Variants in DOCK5 observed in about 807,000 individuals in gnomAD.
DOCK5 encodes the protein dedicator of cytokinesis 5, also known as dedicator of cytokinesis protein 5.
DOCK5 carries 142 observed loss-of-function variants against 251.8 expected under a neutral mutation model. The ratio of observed to expected loss-of-function variants is 0.56; its 90% CI spans 0.49 to 0.65. The LOEUF is 0.65. DOCK5 is among the 30% of genes least tolerant of loss of function. DOCK5 has a pLI of 0.00. For missense variants in DOCK5, 2,111 were observed against 2,312.3 expected (o/e 0.91, Z 1.79); for synonymous variants, 842 against 835.5 (o/e 1.01, Z -0.13).
At chr8:25,338,971 C>G (rs1009045341) in intron 22 of DOCK5, among the ~76,000 whole-genome samples, 1 of 152,136 alleles carries the variant, frequency 6.6e-6, no homozygotes, top group Non-Finnish European at 1.5e-5. Context: ...GACAGAGGAC[C>G]CATGAAATTG....
chr8:25,381,708 A>G (rs940267201), intron 39 of DOCK5, among the ~76,000 whole-genome samples: 4 of 152,168 alleles, frequency 2.6e-5, no homozygotes, highest in Non-Finnish European at 5.9e-5. Flanking sequence ...CTAAGAAAAT[A>G]GTATTTTGAC....
chr8:25,336,441 T>G, intron 22 of DOCK5, 68 bp downstream of exon 22: 1 of 1,572,258 alleles, frequency 6.4e-7, no homozygotes, highest in Non-Finnish European at 8.7e-7. Flanking sequence ...TCCCTCACTC[T>G]GCACAGTGGT....
At chr8:25,200,398 G>A (rs1030947824) in intron 1 of DOCK5, among the ~76,000 whole-genome samples, 10 of 152,178 alleles carry the variant, frequency 6.6e-5, no homozygotes, top group African/African-American at 1.4e-4. Flanking sequence ...GTAATTTATA[G>A]CACATGCATA....
intron 2 of DOCK5, among the ~76,000 whole-genome samples, chr8:25,265,726 G>A (rs1047667809): frequency 6.6e-6 from 1 of 151,840 alleles, no homozygotes; most frequent in Non-Finnish European, 1.5e-5. Flanking sequence ...TGCATGTAGC[G>A]AGGAGAAGAA....
chr8:25,367,243 G>A (rs1800794260), intron 31 of DOCK5, among the ~76,000 whole-genome samples: 1 of 152,126 alleles, frequency 6.6e-6, no homozygotes, highest in South Asian at 2.1e-4. Flanking sequence ...CCATCCCCAA[G>A]AACAGCTGCG....
intron 1 of DOCK5, among the ~76,000 whole-genome samples, chr8:25,202,645 G>T (rs2117463725): frequency 6.6e-6 from 1 of 152,258 alleles, no homozygotes; most frequent in East Asian, 1.9e-4. Context: ...CTCAAGGCAT[G>T]CTTGAAACCA....
At chr8:25,198,571 CA>C (rs71214556) in intron 1 of DOCK5, among the ~76,000 whole-genome samples, 89,235 of 147,134 alleles carry the variant, frequency 0.61, 29,841 homozygotes, top group Non-Finnish European at 0.76. Flanking sequence ...GACTCCATCT[CA>C]AAAAAAAAAA....
intron 48 of DOCK5, among the ~76,000 whole-genome samples, chr8:25,405,514 A>C (rs939144578): frequency 1.3e-5 from 2 of 151,788 alleles, no homozygotes; most frequent in African/African-American, 2.4e-5. Flanking sequence ...TATTTCTTAG[A>C]TTTACCTGTC....
chr8:25,268,297 A>C (rs1279390960), intron 2 of DOCK5, among the ~76,000 whole-genome samples: 5 of 152,062 alleles, frequency 3.3e-5, no homozygotes, highest in Non-Finnish European at 7.4e-5. Context: ...TTATTATTTC[A>C]TTATTTGGAT....
intron 2 of DOCK5, among the ~76,000 whole-genome samples, chr8:25,257,305 A>T (rs1803445627): frequency 6.6e-6 from 1 of 152,060 alleles, no homozygotes; most frequent in Non-Finnish European, 1.5e-5. Context: ...CAGTTCTTAC[A>T]ATCCTGGGAG....
chr8:25,380,487 T>C, intron 39 of DOCK5, 93 bp downstream of exon 39: 1 of 1,092,998 alleles, frequency 9.1e-7, no homozygotes, highest in Non-Finnish European at 1.3e-6. Context: ...TCAGGATGAA[T>C]GGTGTTTTTT....
intron 18 of DOCK5, among the ~76,000 whole-genome samples, chr8:25,331,774 A>AT (rs1805685248): frequency 6.8e-6 from 1 of 146,752 alleles, no homozygotes; most frequent in African/African-American, 2.5e-5. Context: ...GTTGAAATAA[A>AT]TTAATGCATA....
At chr8:25,393,458 A>G (rs1801295426) in intron 44 of DOCK5, among the ~76,000 whole-genome samples, 4 of 152,132 alleles carry the variant, frequency 2.6e-5, no homozygotes, top group Admixed American at 2.0e-4. Flanking sequence ...AAGTCCTTCC[A>G]TGGCTCCAAG....
At chr8:25,260,241 G>A (rs1803539607) in intron 2 of DOCK5, among the ~76,000 whole-genome samples, 2 of 152,112 alleles carry the variant, frequency 1.3e-5, no homozygotes, top group Non-Finnish European at 2.9e-5. Context: ...AGGGGATGGA[G>A]CCTTTGCCCT....
chr8:25,187,317 ATG>A (rs562569023), intron 1 of DOCK5, among the ~76,000 whole-genome samples: 1,651 of 145,850 alleles, frequency 0.011, 21 homozygotes, highest in African/African-American at 0.026. Context: ...ATATGCGTAT[ATG>A]TGTGTGTGTG....
chr8:25,214,859 A>G (rs1802199227), intron 1 of DOCK5, among the ~76,000 whole-genome samples: 2 of 152,184 alleles, frequency 1.3e-5, no homozygotes, highest in Admixed American at 1.3e-4. Flanking sequence ...TACAGCACAG[A>G]GGACCAGATG....
chr8:25,376,056 G>C, intron 37 of DOCK5: 1 of 962,672 alleles, frequency 1.0e-6, no homozygotes, highest in East Asian at 1.2e-4. Flanking sequence ...CTGAGATGGT[G>C]CCACCATACT....
chr8:25,330,920 A>G (rs1805666645), intron 18 of DOCK5, among the ~76,000 whole-genome samples: 1 of 152,002 alleles, frequency 6.6e-6, no homozygotes, highest in Admixed American at 6.6e-5. Context: ...TCTACAAAAA[A>G]TACAAAAATT....
chr8:25,203,222 A>G (rs967467841), intron 1 of DOCK5, among the ~76,000 whole-genome samples: 2 of 152,206 alleles, frequency 1.3e-5, no homozygotes, highest in African/African-American at 4.8e-5. Context: ...GCCTGCCTCA[A>G]AGAAGGCTGA....
Sources: allele counts gnomAD v4.1 joint callset (sites outside exome capture counted in the v4.1 genomes callset), GRCh38; gene constraint gnomAD v4.1.1; transcripts MANE v1.5; gene names NCBI Gene and HGNC (gene_info 2026-07-23, HGNC 2026-07-21).